Variants in TRIM9 observed in about 807,000 individuals in gnomAD.
TRIM9 encodes tripartite motif containing 9.
TRIM9 carries 26 observed loss-of-function variants against 78.3 expected under a neutral mutation model. That is an observed-to-expected ratio of 0.33 (90% CI 0.24 to 0.46). TRIM9 has a LOEUF of 0.46. Ranked by LOEUF, TRIM9 falls within the 20% of genes least tolerant of loss-of-function variation. TRIM9 has a pLI of 1.00. For missense variants in TRIM9, 787 were observed against 1,036.4 expected (o/e 0.76, Z 3.30); for synonymous variants, 398 against 416.5 (o/e 0.96, Z 0.54).
chr14:51,054,667 G>A (rs569147377), intron 1 of TRIM9, among the ~76,000 whole-genome samples: 2 of 152,168 alleles, frequency 1.3e-5, no homozygotes, highest in African/African-American at 4.8e-5. Context: ...TCCGCCTCCC[G>A]GGTTCAAGCT....
intron 1 of TRIM9, among the ~76,000 whole-genome samples, chr14:51,083,997 G>C (rs1205054304): frequency 6.6e-6 from 1 of 152,090 alleles, no homozygotes; most frequent in Non-Finnish European, 1.5e-5. Flanking sequence ...TGAATGGCAA[G>C]TAAACAAGAA....
At chr14:51,050,217 G>A (rs1298492828) in intron 1 of TRIM9, among the ~76,000 whole-genome samples, 1 of 152,122 alleles carries the variant, frequency 6.6e-6, no homozygotes, top group Admixed American at 6.5e-5. Context: ...GTTTGGCTGT[G>A]TCCCCACCCA....
At chr14:51,059,214 C>A (rs2061137918) in intron 1 of TRIM9, among the ~76,000 whole-genome samples, 1 of 152,186 alleles carries the variant, frequency 6.6e-6, no homozygotes, top group African/African-American at 2.4e-5. Flanking sequence ...ATTTTTCATT[C>A]CCCCAAACAG....
At chr14:50,979,733 C>T (rs573445610) in intron 11 of TRIM9, among the ~76,000 whole-genome samples, 184 bp from the exon 12 acceptor site, 5 of 152,288 alleles carry the variant, frequency 3.3e-5, no homozygotes, top group Non-Finnish European at 7.3e-5. Context: ...CCTGTTGGTA[C>T]TGTGTGTATA....
intron 3 of TRIM9, among the ~76,000 whole-genome samples, chr14:51,020,115 C>T (rs1338063104): frequency 6.6e-6 from 1 of 152,066 alleles, no homozygotes; most frequent in Non-Finnish European, 1.5e-5. Flanking sequence ...AGCGGAAGAA[C>T]ATAAGATTAC....
intron 7 of TRIM9, among the ~76,000 whole-genome samples, chr14:50,992,101 G>T (rs2053587481): frequency 6.6e-6 from 1 of 152,212 alleles, no homozygotes; most frequent in Non-Finnish European, 1.5e-5. Context: ...AGTGGTTAGG[G>T]ATTGGAAAGG....
intron 1 of TRIM9, among the ~76,000 whole-genome samples, chr14:51,027,805 A>T (rs1017564053): frequency 6.6e-6 from 1 of 151,060 alleles, no homozygotes; most frequent in Non-Finnish European, 1.5e-5. Context: ...TAAAGAAGAA[A>T]TTTTTTTTCA....
intron 1 of TRIM9, among the ~76,000 whole-genome samples, chr14:51,043,422 A>AT: frequency 6.6e-6 from 1 of 152,366 alleles, no homozygotes; most frequent in Admixed American, 6.5e-5. Context: ...ATGGAGAACA[A>AT]GTTGGAATCA....
chr14:50,995,911 T>C (rs186728228), intron 7 of TRIM9, among the ~76,000 whole-genome samples: 5 of 150,012 alleles, frequency 3.3e-5, no homozygotes, highest in Admixed American at 3.3e-4. Flanking sequence ...AAAAAAGAGA[T>C]AATTATTTGA....
chr14:51,094,996 G>T lies in TRIM9; in HGVS notation c.-57C>A, dbSNP rs2064805048. ...TGCAGCGGGTGCCTGAGCTGGCGAG[G>T]TGGCCGACGGGCCCGTCTTGTCCAG... On this transcript the variant is annotated 5_prime_UTR_variant, in exon 1 of 13. Coordinates refer to ENST00000684578, the MANE Select transcript of TRIM9 (RefSeq NM_001387360.1). 7.7e-6 allele frequency: 10 copies of T among 1,307,156 alleles called. No individual in the cohort carries two copies. In the South Asian group the frequency reaches 1.5e-4, roughly 20 times the overall value. The allele number at this position is 1,307,156 out of a possible 1,614,324, so 81.0% of individuals were successfully genotyped here.
intron 1 of TRIM9, among the ~76,000 whole-genome samples, chr14:51,032,548 A>G (rs1173313717): frequency 6.6e-6 from 1 of 152,208 alleles, no homozygotes; most frequent in African/African-American, 2.4e-5. Context: ...ACCATCCCAG[A>G]TCTAGAACTT....
At chr14:51,015,704 G>A (rs2057118357) in intron 3 of TRIM9, among the ~76,000 whole-genome samples, 1 of 150,950 alleles carries the variant, frequency 6.6e-6, no homozygotes, top group Admixed American at 6.6e-5. Context: ...GGTAGAGATG[G>A]GGTTTCACCA....
intron 1 of TRIM9, among the ~76,000 whole-genome samples, chr14:51,044,441 T>C (rs1405105379): frequency 6.6e-6 from 1 of 152,200 alleles, no homozygotes; most frequent in Non-Finnish European, 1.5e-5. Flanking sequence ...GATGATGTTT[T>C]TGAGAGGGGT....
At chr14:50,992,790 C>T (rs897417576) in intron 7 of TRIM9, among the ~76,000 whole-genome samples, 2 of 152,018 alleles carry the variant, frequency 1.3e-5, no homozygotes, top group African/African-American at 2.4e-5. Flanking sequence ...AGAGTCTAAT[C>T]GGGGAGAAAG....
chr14:51,036,361 A>T (rs1187933568), intron 1 of TRIM9, among the ~76,000 whole-genome samples: 1 of 151,804 alleles, frequency 6.6e-6, no homozygotes, highest in Non-Finnish European at 1.5e-5. Context: ...AGCTTGTCTG[A>T]CTCGCCTTAT....
chr14:51,056,106 C>A (rs1456943648), intron 1 of TRIM9, among the ~76,000 whole-genome samples: 1 of 152,122 alleles, frequency 6.6e-6, no homozygotes, highest in Non-Finnish European at 1.5e-5. Flanking sequence ...TACAGATGTA[C>A]AAAAGCAAAC....
At chr14:51,058,063 G>A (rs754007183) in intron 1 of TRIM9, among the ~76,000 whole-genome samples, 27 of 152,140 alleles carry the variant, frequency 1.8e-4, no homozygotes, top group Non-Finnish European at 2.5e-4. Flanking sequence ...ATAGTAATCT[G>A]ACAGCCTATC....
At chr14:50,997,001 A>G (rs2054292035) in intron 7 of TRIM9, 1 of 985,120 alleles carries the variant, frequency 1.0e-6, no homozygotes, top group Non-Finnish European at 1.2e-6. Context: ...GGGAAGTGGG[A>G]AAAAAAACAC....
chr14:51,035,442 G>T (rs1392043183), intron 1 of TRIM9, among the ~76,000 whole-genome samples: 1 of 152,074 alleles, frequency 6.6e-6, no homozygotes, highest in Non-Finnish European at 1.5e-5. Flanking sequence ...ATATTTATCT[G>T]ATTTTTCACT....
Sources: gnomAD v4.1 joint callset for allele counts (sites outside exome capture counted in the v4.1 genomes callset) on GRCh38, gnomAD v4.1.1 for gene constraint, MANE v1.5 for transcripts, NCBI Gene and HGNC (gene_info 2026-07-23, HGNC 2026-07-21) for gene names.